Variants in CDH18 observed in about 807,000 individuals in gnomAD.
The protein encoded by CDH18 is cadherin 18, also known as cadherin-18.
In CDH18, 31 loss-of-function variants were observed where a neutral mutation model predicts 67.9. The ratio of observed to expected loss-of-function variants is 0.46; its 90% confidence interval spans 0.34 to 0.62. The LOEUF is 0.62. Ranked by LOEUF, CDH18 falls within the 20% of genes least tolerant of loss-of-function variation. CDH18 has a pLI of 0.01. For missense variants in CDH18, 890 were observed against 975.5 expected (o/e 0.91, Z 1.17); for synonymous variants, 362 against 347.2 (o/e 1.04, Z -0.48).
intron 2 of CDH18, among the ~76,000 whole-genome samples, chr5:20,143,221 T>C (rs192203315): frequency 6.6e-6 from 1 of 151,876 alleles, no homozygotes; most frequent in Admixed American, 6.6e-5. Context: ...TCCGATGAAG[T>C]CTCCAATGGA....
chr5:20,459,947 G>T (rs1199100011), intron 1 of CDH18, among the ~76,000 whole-genome samples: 1 of 152,116 alleles, frequency 6.6e-6, no homozygotes, highest in Non-Finnish European at 1.5e-5. Context: ...ATTGTATTTT[G>T]AATAGATTCT....
intron 1 of CDH18, among the ~76,000 whole-genome samples, chr5:20,288,648 A>G (rs747487717): frequency 4.0e-5 from 6 of 151,894 alleles, no homozygotes; most frequent in Non-Finnish European, 8.8e-5. Flanking sequence ...ACGAAGAGTG[A>G]TAAGAAGAGG....
intron 1 of CDH18, among the ~76,000 whole-genome samples, chr5:20,301,159 T>C (rs1747949009): frequency 1.3e-5 from 2 of 151,880 alleles, no homozygotes; most frequent in East Asian, 1.9e-4. Context: ...GCAGAGTAAT[T>C]GTATAGACAG....
chr5:20,564,518 C>T (rs905141959), intron 1 of CDH18, among the ~76,000 whole-genome samples: 1 of 152,126 alleles, frequency 6.6e-6, no homozygotes, highest in Middle Eastern at 3.4e-3. Context: ...AACTCCTGAC[C>T]TCAGGTGATC....
intron 5 of CDH18, among the ~76,000 whole-genome samples, chr5:19,641,288 T>C (rs997250577): frequency 1.3e-5 from 2 of 151,950 alleles, no homozygotes; most frequent in Non-Finnish European, 2.9e-5. Context: ...CAATCATTCT[T>C]AAACTTGTCC....
intron 1 of CDH18, among the ~76,000 whole-genome samples, chr5:20,489,925 C>G (rs1424484417): frequency 6.6e-6 from 1 of 151,510 alleles, no homozygotes; most frequent in Non-Finnish European, 1.5e-5. Flanking sequence ...TTCAACTTTA[C>G]TAAAATGTCT....
At chr5:20,203,374 C>T (rs1177151486) in intron 2 of CDH18, among the ~76,000 whole-genome samples, 1 of 152,142 alleles carries the variant, frequency 6.6e-6, no homozygotes, top group Admixed American at 6.5e-5. Flanking sequence ...GGCAGTTGTT[C>T]CACAGCATCA....
chr5:20,536,609 G>A (rs1383409768), intron 1 of CDH18, among the ~76,000 whole-genome samples: 2 of 152,066 alleles, frequency 1.3e-5, no homozygotes, highest in Non-Finnish European at 2.9e-5. Flanking sequence ...GGTTTAAGCA[G>A]GAGCTTGCTA....
At chr5:19,844,381 C>T (rs953981427) in intron 2 of CDH18, among the ~76,000 whole-genome samples, 1 of 152,092 alleles carries the variant, frequency 6.6e-6, no homozygotes, top group East Asian at 1.9e-4. Context: ...TTATAAGGGG[C>T]TCTTTCCCCT....
At chr5:20,342,636 G>A (rs577418156) in intron 1 of CDH18, among the ~76,000 whole-genome samples, 26 of 152,310 alleles carry the variant, frequency 1.7e-4, no homozygotes, top group African/African-American at 5.8e-4. Context: ...GGAATGGATA[G>A]TAAGAGTGTG....
At chr5:19,985,399 T>C (rs895848887) in intron 1 of CDH18, among the ~76,000 whole-genome samples, 3 of 152,102 alleles carry the variant, frequency 2.0e-5, no homozygotes, top group Non-Finnish European at 4.4e-5. Context: ...AAAATTGCAT[T>C]GAGAACCACT....
In CDH18 at chr5:19,728,977, TTTGAGTA is replaced by T. The variant is rs749459700; in HGVS notation, c.524-7518_524-7512del. Reference sequence around the variant, plus strand: ...TAGTCATTGTGTAATTTAATAAAGTTTTGAGTATTAACTCAAGTCACTGAATTGAAAA... The same window carrying T: ...TAGTCATTGTGTAATTTAATAAAGTTTTAACTCAAGTCACTGAATTGAAAA... On this transcript the variant is annotated intron_variant, in intron 4 of 12. Transcript: ENST00000382275. Among the ~76,000 whole-genome samples the T allele has an allele frequency of 1.1e-3, 164 of 152,278 alleles. 1 individual carries two copies. Among genetic ancestry groups the T allele is most frequent in the South Asian group, 2.5e-3 (12 of 4,828 alleles).
intron 1 of CDH18, among the ~76,000 whole-genome samples, chr5:20,317,837 G>A (rs1251067528): frequency 6.6e-6 from 1 of 152,138 alleles, no homozygotes; most frequent in African/African-American, 2.4e-5. Context: ...GATTAGAATG[G>A]TTGCAAGTCC....
chr5:19,920,602 C>T (rs1307086596), intron 2 of CDH18, among the ~76,000 whole-genome samples: 3 of 149,316 alleles, frequency 2.0e-5, no homozygotes, highest in Non-Finnish European at 4.4e-5. Context: ...CAACCTCTGC[C>T]TCCTGGTTTC....
At chr5:20,014,470 C>T (rs1737715631) in intron 2 of CDH18, among the ~76,000 whole-genome samples, 2 of 151,978 alleles carry the variant, frequency 1.3e-5, no homozygotes. Flanking sequence ...ATGAGATAAT[C>T]ATGTAATGAG....
At chr5:19,521,953 G>A (rs1746967157) in intron 9 of CDH18, among the ~76,000 whole-genome samples, 1 of 151,676 alleles carries the variant, frequency 6.6e-6, no homozygotes, top group Non-Finnish European at 1.5e-5. Context: ...ACCAATACTA[G>A]ACACTACCAC....
intron 1 of CDH18, among the ~76,000 whole-genome samples, chr5:20,493,335 C>A (rs1753699543): frequency 2.0e-5 from 2 of 98,346 alleles, no homozygotes; most frequent in Admixed American, 1.7e-4. Context: ...GGTGACAGGG[C>A]AAGACTCTGT....
chr5:20,058,114 T>C (rs1384829133), intron 2 of CDH18, among the ~76,000 whole-genome samples: 3 of 152,182 alleles, frequency 2.0e-5, no homozygotes, highest in Non-Finnish European at 4.4e-5. Flanking sequence ...TCAATTTTTA[T>C]AACACAGTTG....
intron 5 of CDH18, among the ~76,000 whole-genome samples, chr5:19,707,073 C>T (rs1353008334): frequency 6.6e-6 from 1 of 152,036 alleles, no homozygotes; most frequent in Admixed American, 6.6e-5. Flanking sequence ...TTGTGTTTCT[C>T]CAGGACTGAA....
Sources: gnomAD v4.1 joint callset for allele counts (sites outside exome capture counted in the v4.1 genomes callset) on GRCh38, gnomAD v4.1.1 for gene constraint, MANE v1.5 for transcripts, NCBI Gene and HGNC (gene_info 2026-07-23, HGNC 2026-07-21) for gene names.